Variants in PRG4 observed in about 807,000 individuals in gnomAD.
The protein encoded by PRG4 is proteoglycan 4.
In PRG4, 61 loss-of-function variants were observed where a neutral mutation model predicts 91.2. The observed-to-expected ratio is 0.67, with a 90% CI of 0.54 to 0.83. PRG4 has a LOEUF of 0.83. Ranked by LOEUF, PRG4 falls within the 40% of genes least tolerant of loss-of-function variation. PRG4 has a pLI of 0.00. For missense variants in PRG4, 1,564 were observed against 1,714.2 expected, an observed-to-expected ratio of 0.91 and a Z score of 1.55; for synonymous variants, 576 against 614.2, an observed-to-expected ratio of 0.94 and a Z score of 0.92.
rs574241094 is a variant in PRG4, at chr1:186,310,516, T to C, written c.3500-518T>C. Among the ~76,000 whole-genome samples, 11 of 152,272 alleles carry C rather than the reference T, an allele frequency of 7.2e-5. No individual in the cohort carries two copies. In the East Asian group the frequency reaches 1.5e-3, roughly 21 times the overall value. Reference sequence around the variant, plus strand: ...AGGCTTTTTTGAGACCGGATCTCCCTCTGTCACCCAGGCTGGAGTAGAGTG... The same window carrying C: ...AGGCTTTTTTGAGACCGGATCTCCCCCTGTCACCCAGGCTGGAGTAGAGTG... On this transcript the variant is annotated intron_variant, in intron 8 of 12. Transcript: ENST00000445192.
At chr1:186,310,912 T>C (rs1657166651) in intron 8 of PRG4, 122 bp from the exon 9 acceptor site, 1 of 1,072,468 alleles carries the variant, frequency 9.3e-7, no homozygotes, top group Admixed American at 2.1e-5. Flanking sequence ...TACTACCTTT[T>C]GTATCTGACT....
At chr1:186,297,353 GATAA>G (rs1423813028) in intron 2 of PRG4, among the ~76,000 whole-genome samples, 3 of 152,012 alleles carry the variant, frequency 2.0e-5, no homozygotes, top group Admixed American at 1.3e-4. Flanking sequence ...ATAAATTATT[GATAA>G]ATAACTTATT....
At chr1:186,299,236 T>C (rs1656044849) in intron 2 of PRG4, among the ~76,000 whole-genome samples, 1 of 152,250 alleles carries the variant, frequency 6.6e-6, no homozygotes, top group Admixed American at 6.5e-5. Flanking sequence ...GGAAAACCTC[T>C]GTTCATGACC....
rs1656393282 is a variant in PRG4, at chr1:186,304,106, A to G, written c.320-2A>G. ...TAACTGACTTGTCTTACTTGGCCTCAGTGCATAATCCCACATCACCACCAT... is the reference window on the plus strand; with the variant it reads ...TAACTGACTTGTCTTACTTGGCCTCGGTGCATAATCCCACATCACCACCAT... On this transcript the variant is annotated splice_acceptor_variant, in intron 4 of 12. Transcript: ENST00000445192. LOFTEE classifies it high-confidence loss of function. The G allele has an allele frequency of 6.2e-7, 1 of 1,613,988 alleles. No homozygotes were observed. The highest frequency in any genetic ancestry group is 1.1e-5 in the South Asian group (1 of 91,088).
At chr1:186,303,826 T>C (rs1426920535) in intron 4 of PRG4, among the ~76,000 whole-genome samples, 1 of 152,182 alleles carries the variant, frequency 6.6e-6, no homozygotes, top group African/African-American at 2.4e-5. Context: ...ATTATTTGCC[T>C]AAGGTCACAA....
intron 10 of PRG4, 156 bp from the exon 11 acceptor site, chr1:186,312,019 T>C (rs1657283140): frequency 1.6e-6 from 1 of 618,028 alleles, no homozygotes; most frequent in Non-Finnish European, 2.8e-6. Context: ...ATTATTTTTA[T>C]AATACCCTTG....
In PRG4 at chr1:186,312,038, CCAT is replaced by C. The variant is rs1657285038; in HGVS notation, c.3794-136_3794-134del. 5 of 672,090 alleles carry C rather than the reference CCAT, an allele frequency of 7.4e-6. No individual in the cohort carries two copies. In the Admixed American group the frequency reaches 1.1e-4, roughly 15 times the overall value. The allele number at this position is 672,090 out of a possible 1,614,324, so 41.6% of individuals were successfully genotyped here. A position where few individuals can be genotyped will look rare whatever the true frequency, so the allele number is the denominator to read the frequency against. ...TTTTTATAATACCCTTGACTAATAG[CCAT>C]TATTAATATCAATATATTATATGAA... is the stretch of plus-strand genomic sequence containing the variant. On this transcript the variant is annotated intron_variant, in intron 10 of 12. Transcript: ENST00000445192.
chr1:186,312,968 G>C, intron 12 of PRG4, 74 bp downstream of exon 12: 3 of 1,465,966 alleles, frequency 2.0e-6, no homozygotes, highest in Middle Eastern at 1.7e-4. Context: ...TAAAAATGCT[G>C]GCTGCAATGA....
intron 7 of PRG4, among the ~76,000 whole-genome samples, chr1:186,309,516 T>C (rs1398761112): frequency 6.6e-6 from 1 of 152,194 alleles, no homozygotes; most frequent in Non-Finnish European, 1.5e-5. Context: ...TCACATTGAG[T>C]TCATACATCC....
intron 3 of PRG4, among the ~76,000 whole-genome samples, chr1:186,301,185 A>G (rs1462889663): frequency 6.6e-6 from 1 of 152,188 alleles, no homozygotes; most frequent in Non-Finnish European, 1.5e-5. Flanking sequence ...TATATGGAAT[A>G]TATTGCTGAG....
Position 186,311,560 on chromosome 1 carries a change from A to T in PRG4, c.3757A>T (p.Lys1253Ter), listed in dbSNP as rs1180490666. Reference protein sequence around the residue: ...IVAALSTAKYKNWPESVYFFK... With the variant: ...IVAALSTAKY Reference sequence around the variant, plus strand: ...GGCAGCGCTTTCAACAGCTAAATATAAGAACTGGCCTGAATCTGTGTATTT... The same window carrying T: ...GGCAGCGCTTTCAACAGCTAAATATTAGAACTGGCCTGAATCTGTGTATTT... The change falls in exon 10 of 13, where the codon AAG becomes TAG. Residue 1253 changes from lysine to a stop codon, truncating the protein, a stop_gained. Transcript: ENST00000445192. LOFTEE classifies it high-confidence loss of function. 2 of 1,614,084 alleles carry T rather than the reference A, an allele frequency of 1.2e-6. No individual in the cohort carries two copies. The highest frequency in any genetic ancestry group is 3.3e-5 in the Admixed American group (2 of 60,032).
intron 5 of PRG4, among the ~76,000 whole-genome samples, 200 bp downstream of exon 5, chr1:186,304,457 C>T (rs565988986): frequency 1.9e-4 from 29 of 152,262 alleles, no homozygotes; most frequent in Admixed American, 1.6e-3. Context: ...ATTTACCAAA[C>T]CCAGCATGAG....
intron 12 of PRG4, 109 bp from the exon 13 acceptor site, chr1:186,313,572 C>G (rs1006254566): frequency 4.2e-6 from 3 of 717,308 alleles, no homozygotes; most frequent in Non-Finnish European, 7.5e-6. Flanking sequence ...AAAAACATCT[C>G]TATTAAAATG....
chr1:186,301,058 T>G (rs1299022744), intron 3 of PRG4, among the ~76,000 whole-genome samples: 5 of 152,214 alleles, frequency 3.3e-5, no homozygotes, highest in African/African-American at 1.2e-4. Flanking sequence ...AAGATTAGGC[T>G]GAAAGCTTTC....
intron 9 of PRG4, 103 bp from the exon 10 acceptor site, chr1:186,311,337 G>C (rs1243846851): frequency 2.1e-6 from 3 of 1,442,380 alleles, no homozygotes; most frequent in Non-Finnish European, 2.9e-6. Flanking sequence ...AAATTCAACC[G>C]TTTAACCAAG....
intron 4 of PRG4, among the ~76,000 whole-genome samples, chr1:186,303,272 A>T (rs1447458452): frequency 2.6e-5 from 4 of 152,118 alleles, no homozygotes; most frequent in Admixed American, 2.6e-4. Context: ...TCAAATTGAG[A>T]TACTTGATGT....
chr1:186,309,798 A>G lies in PRG4; in HGVS notation c.3427A>G (p.Thr1143Ala). 1 of 1,611,924 alleles carries G rather than the reference A, an allele frequency of 6.2e-7. No homozygotes were observed. Among genetic ancestry groups the G allele is most frequent in the Non-Finnish European group, 8.5e-7 (1 of 1,178,112 alleles). The change falls in exon 8 of 13, where the codon ACC becomes GCC. Residue 1143 changes from threonine to alanine, a missense_variant. Thr to Ala is a moderately conservative substitution (Grantham distance 58). Around this residue, in one of 3 missense-constraint regions of PRG4, gnomAD observed 1,079 missense variants for 1,162.2 expected, o/e 0.93. Transcript: ENST00000445192. ...IIINPMLSDE[T>A]NICNGKPVDG... Reference sequence around the variant, plus strand: ...GTTTTTGTTAATTTGTTTAGATGAGACCAATATATGCAATGGTAAGCCAGT... The same window carrying G: ...GTTTTTGTTAATTTGTTTAGATGAGGCCAATATATGCAATGGTAAGCCAGT...
intron 12 of PRG4, 157 bp downstream of exon 12, chr1:186,313,051 A>C (rs1387614761): frequency 1.0e-5 from 8 of 766,000 alleles, no homozygotes; most frequent in African/African-American, 1.8e-5. Context: ...CTTTTGCTTT[A>C]ATTTCAATTA....
In PRG4 at chr1:186,307,395, A is replaced by C; in HGVS notation, c.1676A>C (p.Glu559Ala). The stretch of plus-strand genomic sequence containing the variant: ...GAGCCTTCACCCACCACCACCAAGG[A>C]GCCTGCACCCACCACTCCCAAGGAG... Reference protein sequence around the residue: ...PKEPSPTTTKEPAPTTPKEPA... With the variant: ...PKEPSPTTTKAPAPTTPKEPA... Residue 559 changes from glutamate (E) to alanine (A), a missense_variant, in exon 7 of 13, where the codon GAG (glutamate) becomes GCG (alanine). This residue lies in a region of PRG4 where 1,079 missense variants were observed against 1,162.2 expected (regional missense o/e 0.93). Coordinates refer to ENST00000445192, the MANE Select transcript of PRG4 (RefSeq NM_005807.6). 6.3e-7 allele frequency: 1 copy of C among 1,595,042 alleles called. No homozygotes were observed.
Sources: gnomAD v4.1 joint callset for allele counts (sites outside exome capture counted in the v4.1 genomes callset) on GRCh38, gnomAD v4.1.1 for gene constraint, gnomAD v4.1.1 regional missense constraint, MANE v1.5 for transcripts, NCBI Gene and HGNC (gene_info 2026-07-23, HGNC 2026-07-21) for gene names.